DEFB110: variants seen among roughly 807,000 people sequenced by gnomAD.
DEFB110 encodes the protein defensin beta 110.
DEFB110 carries 4 observed loss-of-function variants against 2.5 expected under a neutral mutation model. That is an observed-to-expected ratio of 1.60 (90% CI 0.79 to 3.66). DEFB110 has a LOEUF of 3.66. Among genes scored for constraint, DEFB110 ranks in the 30% most tolerant of loss-of-function variants. DEFB110 has a pLI of 0.01. For missense variants in DEFB110, 94 were observed against 75.4 expected (o/e 1.25, Z -0.91); for synonymous variants, 29 against 21.8 (o/e 1.33, Z -0.92).
chr6:50,018,031 AT>A (rs879699565), downstream of DEFB110, among the ~76,000 whole-genome samples: 1 of 151,944 alleles, frequency 6.6e-6, no homozygotes, highest in African/African-American at 2.4e-5. Context: ...AGAATTTTGA[AT>A]TAATATGGAT....
At chr6:50,017,756 A>G (rs1393832463), downstream of DEFB110, among the ~76,000 whole-genome samples, 1 of 151,918 alleles carries the variant, frequency 6.6e-6, no homozygotes, top group East Asian at 1.9e-4. Context: ...TGCTTAGTAT[A>G]AGCATACTTA....
chr6:50,021,820 G>A, intron 1 of DEFB110, 61 bp downstream of exon 1: 1 of 1,446,160 alleles, frequency 6.9e-7, no homozygotes, highest in Non-Finnish European at 9.3e-7. Flanking sequence ...TTTTTATCAA[G>A]AAACAACTTA....
At chr6:50,019,217 G>C (rs1774375022) in intron 1 of DEFB110, 92 bp from the exon 2 acceptor site, 1 of 1,340,130 alleles carries the variant, frequency 7.5e-7, no homozygotes, top group African/African-American at 1.5e-5. Context: ...AAAGATTATA[G>C]AGTGAAAATG....
At chr6:50,016,236 T>C (rs1774313717), downstream of DEFB110, among the ~76,000 whole-genome samples, 1 of 151,844 alleles carries the variant, frequency 6.6e-6, no homozygotes, top group South Asian at 2.1e-4. Context: ...GTGATAAATC[T>C]AATTTCAATA....
intron 1 of DEFB110, among the ~76,000 whole-genome samples, chr6:50,020,976 C>G (rs1230027703): frequency 6.6e-6 from 1 of 151,994 alleles, no homozygotes; most frequent in East Asian, 1.9e-4. Context: ...TGGACTGACC[C>G]CACCCCTTCT....
downstream of DEFB110, among the ~76,000 whole-genome samples, chr6:50,016,018 C>T (rs78646016): frequency 1.3e-5 from 2 of 151,812 alleles, no homozygotes; most frequent in East Asian, 1.9e-4. Flanking sequence ...TTTCAATCTC[C>T]AAATCCAAAA....
At chr6:50,014,988 T>C (rs1247391793), downstream of DEFB110, among the ~76,000 whole-genome samples, 1 of 151,880 alleles carries the variant, frequency 6.6e-6, no homozygotes, top group Non-Finnish European at 1.5e-5. Context: ...CTATTTGATA[T>C]GACAAACTCT....
At position 50,019,102 on chromosome 6, in the gene DEFB110, C is replaced by T. The variant is rs1048230549; in HGVS notation, c.79G>A (p.Gly27Ser). The change falls in exon 2 of 2, where the codon GGT (glycine) becomes AGT (serine). Residue 27 changes from glycine to serine, a missense_variant. By Grantham distance (56) the Gly-to-Ser change is moderately conservative (BLOSUM62 0). Coordinates refer to ENST00000371148, the MANE Select transcript of DEFB110 (RefSeq NM_001037497.2). ...CACTCTCTCCTCAAGTCCAAGCTAC[C>T]ATACTCAGGATATTTCTTTTTGGCT... ...LPAKKKYPEY[G>S]SLDLRRECRI... 3 of 1,612,586 alleles carry T rather than the reference C, an allele frequency of 1.9e-6. No homozygotes were observed. Among genetic ancestry groups the T allele is most frequent in the African/African-American group, 1.3e-5 (1 of 74,816 alleles).
At chr6:50,010,618 G>T (rs1415538480) in intron 1 of DEFB110, among the ~76,000 whole-genome samples, 2 of 149,258 alleles carry the variant, frequency 1.3e-5, no homozygotes, top group African/African-American at 4.9e-5. Context: ...ATATATTTTT[G>T]ATGTATATAT....
chr6:50,018,131 C>T (rs1561992088), downstream of DEFB110, among the ~76,000 whole-genome samples: 1 of 151,842 alleles, frequency 6.6e-6, no homozygotes, highest in Non-Finnish European at 1.5e-5. Context: ...CTGACATGTT[C>T]TAGTGAGGAA....
downstream of DEFB110, among the ~76,000 whole-genome samples, chr6:50,016,005 A>C (rs1166245958): frequency 6.6e-6 from 1 of 151,780 alleles, no homozygotes; most frequent in Non-Finnish European, 1.5e-5. Context: ...AGGAGCTATA[A>C]TTTTTCAATC....
At chr6:50,015,240 C>T (rs1346730683), downstream of DEFB110, among the ~76,000 whole-genome samples, 1 of 151,710 alleles carries the variant, frequency 6.6e-6, no homozygotes, top group Non-Finnish European at 1.5e-5. Flanking sequence ...ATGGACTTAG[C>T]TTCTATAATT....
chr6:50,015,835 G>T (rs949946895), downstream of DEFB110, among the ~76,000 whole-genome samples: 1 of 151,656 alleles, frequency 6.6e-6, no homozygotes, highest in Non-Finnish European at 1.5e-5. Flanking sequence ...AAATGAGGGA[G>T]AATATATTGA....
At position 50,019,075 on chromosome 6, in the gene DEFB110, T is replaced by G. The variant is rs761565401; in HGVS notation, c.106A>C (p.Arg36=). 3.1e-6 allele frequency: 5 copies of G among 1,613,180 alleles called. No individual in the cohort carries two copies. The African/African-American group carries it at 6.7e-5, about 22-fold the overall frequency. Reference sequence around the variant, plus strand: ...TTTTTACATTGACCATTACCTATTCTGCACTCTCTCCTCAAGTCCAAGCTA... The same window carrying G: ...TTTTTACATTGACCATTACCTATTCGGCACTCTCTCCTCAAGTCCAAGCTA... ...YGSLDLRREC[R]IGNGQCKNQC... is the part of the protein sequence containing the mutation. Residue 36 remains arginine, a synonymous_variant, in exon 2 of 2, where the codon AGA becomes CGA. Coordinates refer to ENST00000371148, the MANE Select transcript of DEFB110 (RefSeq NM_001037497.2).
exon 2 of DEFB110, chr6:50,009,242 A>T: frequency 1.2e-6 from 2 of 1,606,840 alleles, no homozygotes; most frequent in Non-Finnish European, 1.7e-6. Flanking sequence ...CATCTTTCAA[A>T]TCTATACTTT....
chr6:50,021,897 C>A lies in DEFB110; in HGVS notation c.39G>T (p.Trp13Cys). 1.3e-6 allele frequency: 2 copies of A among 1,554,266 alleles called. No individual in the cohort carries two copies. Among genetic ancestry groups the A allele is most frequent in the African/African-American group, 1.4e-5 (1 of 70,678 alleles). The change falls in exon 1 of 2, where the codon TGG (tryptophan) becomes TGT (cysteine). Residue 13 changes from tryptophan to cysteine, a missense_variant. Trp to Cys is a radical substitution (Grantham distance 215, BLOSUM62 -2). Transcript: ENST00000371148. ...IQLFFFILHF[W>C]VTILPAKKKY... ...GCATATTACCTGGTAAAATTGTGACCCAAAAGTGCAGAATAAAGAAAAAAA... is the reference window on the plus strand; with the variant it reads ...GCATATTACCTGGTAAAATTGTGACACAAAAGTGCAGAATAAAGAAAAAAA...
intron 1 of DEFB110, among the ~76,000 whole-genome samples, chr6:50,012,027 C>T (rs188984515): frequency 6.6e-6 from 1 of 151,920 alleles, no homozygotes; most frequent in African/African-American, 2.4e-5. Flanking sequence ...ATTGAAATTT[C>T]AAAAGATATA....
chr6:50,013,698 T>C lies in DEFB110; in HGVS notation c.56-4427A>G, dbSNP rs113570993. Among the ~76,000 whole-genome samples, 67 of 151,898 alleles carry C rather than the reference T, an allele frequency of 4.4e-4. 1 individual carries two copies. In the East Asian group the frequency reaches 6.2e-3, roughly 14 times the overall value. On this transcript the variant is annotated intron_variant, in intron 1 of 1. Coordinates refer to the DEFB110 transcript ENST00000393660. ...GGAGAAAGTGAACCTAGAAGATATT[T>C]CTGAATGAGACATAGCCCAATAGAT...
At position 50,021,962 on chromosome 6, in the gene DEFB110, G is replaced by T. The variant is rs907268768; in HGVS notation, c.-27C>A. On this transcript the variant is annotated 5_prime_UTR_variant, in exon 1 of 2. Transcript: ENST00000371148. ...GTAGAGAGTTTCTTAAAAAAAGGGG[G>T]CAACAGACCTCCTTTTTCAAGTCAG... is the stretch of plus-strand genomic sequence containing the variant. 1 of 1,517,470 alleles carries T rather than the reference G, an allele frequency of 6.6e-7. No homozygotes were observed. 94.0% of individuals were successfully genotyped at this position (1,517,470 alleles called of 1,614,324 possible).
Sources: allele counts gnomAD v4.1 joint callset (sites outside exome capture counted in the v4.1 genomes callset), GRCh38; gene constraint gnomAD v4.1.1; transcripts MANE v1.5; gene names NCBI Gene and HGNC (gene_info 2026-07-23, HGNC 2026-07-21).